UBR3: variants seen among roughly 807,000 people sequenced by gnomAD.
UBR3 encodes E3 ubiquitin-protein ligase UBR3.
Under a neutral mutation model 243.2 loss-of-function variants are expected in UBR3, and 85 were observed. The observed-to-expected ratio is 0.35, with a 90% CI of 0.29 to 0.42. The LOEUF is 0.42. Among genes scored for constraint, UBR3 ranks in the 10% least tolerant of loss-of-function variants. The pLI, the probability that UBR3 is intolerant of heterozygous loss-of-function variation, is 1.00. For synonymous variants in UBR3, 748 were observed against 799.8 expected (o/e 0.94, Z 1.09); for missense variants, 1,686 against 2,300.8 (o/e 0.73, Z 5.47).
chr2:170,031,370 T>A (rs145042985), intron 31 of UBR3, among the ~76,000 whole-genome samples: 1 of 152,160 alleles, frequency 6.6e-6, no homozygotes, highest in Non-Finnish European at 1.5e-5. Context: ...TGTCAAAGTT[T>A]TTTTAATATA....
intron 24 of UBR3, among the ~76,000 whole-genome samples, chr2:169,961,516 C>A (rs960046150): frequency 6.6e-6 from 1 of 152,010 alleles, no homozygotes; most frequent in African/African-American, 2.4e-5. Flanking sequence ...GTAGCTAAAC[C>A]GTCTGATTCT....
intron 24 of UBR3, among the ~76,000 whole-genome samples, chr2:169,974,110 T>G (rs1174247447): frequency 6.6e-6 from 1 of 152,212 alleles, no homozygotes; most frequent in African/African-American, 2.4e-5. Flanking sequence ...GCATCTGTGT[T>G]CATCAGGGAT....
At chr2:169,996,730 A>G (rs1372664830) in intron 26 of UBR3, among the ~76,000 whole-genome samples, 7 of 126,700 alleles carry the variant, frequency 5.5e-5, no homozygotes, top group Admixed American at 1.9e-4. Flanking sequence ...GTCTCACTCC[A>G]TCGCCAGGCT....
At chr2:170,045,721 A>G (rs1324387558) in intron 32 of UBR3, among the ~76,000 whole-genome samples, 3 of 152,074 alleles carry the variant, frequency 2.0e-5, no homozygotes, top group Non-Finnish European at 4.4e-5. Flanking sequence ...ATATCAACTC[A>G]TGGCCAGTCT....
chr2:169,851,156 G>A (rs2082643243), intron 1 of UBR3, among the ~76,000 whole-genome samples: 1 of 151,926 alleles, frequency 6.6e-6, no homozygotes, highest in South Asian at 2.1e-4. Flanking sequence ...ACAGGGTCTC[G>A]TTCTGTTGCA....
intron 1 of UBR3, among the ~76,000 whole-genome samples, chr2:169,865,546 T>G (rs1471742903): frequency 6.6e-6 from 1 of 152,196 alleles, no homozygotes; most frequent in Non-Finnish European, 1.5e-5. Flanking sequence ...CTTAGCTACT[T>G]GGTACTCTGT....
intron 1 of UBR3, among the ~76,000 whole-genome samples, chr2:169,841,068 T>C (rs1196302093): frequency 1.3e-5 from 2 of 152,222 alleles, no homozygotes; most frequent in Non-Finnish European, 2.9e-5. Context: ...ATTCTTCCAC[T>C]GTCTTGACGA....
At chr2:169,856,122 A>T (rs1165817609) in intron 1 of UBR3, among the ~76,000 whole-genome samples, 1 of 140,656 alleles carries the variant, frequency 7.1e-6, no homozygotes, top group South Asian at 2.3e-4. Context: ...AGACGGGGGC[A>T]GCCGGTCAGA....
intron 23 of UBR3, among the ~76,000 whole-genome samples, chr2:169,955,841 T>C (rs1323656636): frequency 7.0e-6 from 1 of 143,482 alleles, no homozygotes; most frequent in Non-Finnish European, 1.5e-5. Context: ...GTACTTGGAG[T>C]CAGCCATTTC....
chr2:169,930,695 T>A (rs2086090018), intron 18 of UBR3, among the ~76,000 whole-genome samples: 1 of 152,206 alleles, frequency 6.6e-6, no homozygotes, highest in African/African-American at 2.4e-5. Flanking sequence ...AGTTTTTTTA[T>A]CTTTGGATTT....
intron 23 of UBR3, among the ~76,000 whole-genome samples, chr2:169,951,996 A>AGTTCTGTTC (rs1391545421): frequency 6.6e-6 from 1 of 152,140 alleles, no homozygotes; most frequent in Non-Finnish European, 1.5e-5. Context: ...GGACGCTACT[A>AGTTCTGTTC]AGTTTAAGAG....
At chr2:169,932,678 C>T (rs2086181021) in intron 18 of UBR3, among the ~76,000 whole-genome samples, 1 of 152,144 alleles carries the variant, frequency 6.6e-6, no homozygotes. Flanking sequence ...TGTTGTATTA[C>T]AAAACTTTTG....
At chr2:170,040,808 A>G (rs1044119606) in intron 31 of UBR3, 74 bp from the exon 32 acceptor site, 1 of 1,106,886 alleles carries the variant, frequency 9.0e-7, no homozygotes, top group Non-Finnish European at 1.3e-6. Flanking sequence ...CCATAGATAT[A>G]TATGTGACAT....
intron 1 of UBR3, among the ~76,000 whole-genome samples, chr2:169,841,388 G>A (rs1056443655): frequency 3.3e-5 from 5 of 152,162 alleles, no homozygotes; most frequent in African/African-American, 1.2e-4. Context: ...CAGAGCCCTC[G>A]CTTGCTCTCG....
chr2:170,013,787 T>C (rs1382792654), intron 29 of UBR3: 6 of 371,652 alleles, frequency 1.6e-5, no homozygotes, highest in Non-Finnish European at 2.9e-5. Flanking sequence ...AAAAGTACTA[T>C]CTAGGAAATC....
Position 170,073,433 on chromosome 2 carries a change from A to C in UBR3, c.5025A>C (p.Glu1675Asp). 1 of 1,613,488 alleles carries C rather than the reference A, an allele frequency of 6.2e-7. No individual in the cohort carries two copies. The highest frequency in any genetic ancestry group is 8.5e-7 in the Non-Finnish European group (1 of 1,179,606). Residue 1675 changes from glutamate (E) to aspartate (D), a missense_variant, in exon 36 of 39, where the codon GAA becomes GAC. Transcript: ENST00000272793. ...TCCTATTTCATGTCTAAAAGGAAGA[A>C]GAAGAATTTTCAGTTCTTGCCAGCT... ...FGEDLPSCQEEEEFSVLASCL... is the reference protein window; with the variant it reads ...FGEDLPSCQEDEEFSVLASCL...
chr2:170,012,133 T>C (rs1224737850), intron 29 of UBR3, among the ~76,000 whole-genome samples: 1 of 152,152 alleles, frequency 6.6e-6, no homozygotes, highest in Non-Finnish European at 1.5e-5. Context: ...TGTAAACTAA[T>C]CATGTTCAAA....
At chr2:169,915,773 G>C (rs1196258702) in intron 11 of UBR3, among the ~76,000 whole-genome samples, 2 of 152,056 alleles carry the variant, frequency 1.3e-5, no homozygotes, top group African/African-American at 4.8e-5. Flanking sequence ...AATTAATAAA[G>C]TATTTTGTGA....
intron 30 of UBR3, among the ~76,000 whole-genome samples, chr2:170,027,764 A>G (rs2090568379): frequency 6.6e-6 from 1 of 151,992 alleles, no homozygotes; most frequent in African/African-American, 2.4e-5. Flanking sequence ...AGTATAAATT[A>G]TATGCTTAGT....
Sources: gnomAD v4.1 joint callset for allele counts (sites outside exome capture counted in the v4.1 genomes callset) on GRCh38, gnomAD v4.1.1 for gene constraint, MANE v1.5 for transcripts, NCBI Gene and HGNC (gene_info 2026-07-23, HGNC 2026-07-21) for gene names.